The following TANGO6 variants were observed in gnomAD, a reference collection of about 807,000 sequenced individuals.
TANGO6 encodes the protein transport and golgi organization 6 homolog, also known as transport and Golgi organization protein 6 homolog.
In TANGO6, 90 loss-of-function variants were observed where a neutral mutation model predicts 114.2. The observed-to-expected ratio is 0.79, with a 90% confidence interval of 0.66 to 0.94. The LOEUF (loss-of-function observed/expected upper bound fraction) is 0.94, where lower values mean the gene tolerates loss of function less well. Among genes scored for constraint, TANGO6 ranks in the 40% least tolerant of loss-of-function variants. The pLI, the probability that TANGO6 is intolerant of heterozygous loss-of-function variation, is 0.00. For missense variants in TANGO6, 1,274 were observed against 1,315.3 expected, an observed-to-expected ratio of 0.97 and a Z score of 0.49; for synonymous variants, 477 against 509.8, an observed-to-expected ratio of 0.94 and a Z score of 0.87.
Position 69,069,935 on chromosome 16 carries a change from G to A in TANGO6, c.3109-13550G>A, listed in dbSNP as rs561072019. The stretch of plus-strand genomic sequence containing the variant: ...GAAAATAAAGTAGTGGGCCAGGCAC[G>A]GTGGCTCATGCCTGTAATCCCAGCA... On this transcript the variant is annotated intron_variant, in intron 17 of 17. Transcript: ENST00000261778. Among the ~76,000 whole-genome samples the A allele has an allele frequency of 5.3e-5, 8 of 151,856 alleles. No individual in the cohort carries two copies. The South Asian group carries it at 1.2e-3, about 24-fold the overall frequency.
In TANGO6 at chr16:68,862,998, G is replaced by T; in HGVS notation, c.789G>T (p.Leu263=). 1 of 1,601,312 alleles carries T rather than the reference G, an allele frequency of 6.2e-7. No homozygotes were observed. Among genetic ancestry groups the T allele is most frequent in the East Asian group, 2.2e-5 (1 of 44,564 alleles). ...TLSRGALRDM[L]DQVYQPLAVR... is the part of the protein sequence containing the mutation. ...CCAGGGGGGCCTTGAGAGACATGCT[G>T]GATCAAGTCTATCAGCCCTTAGCAG... The change falls in exon 3 of 18, where the codon CTG becomes CTT. Residue 263 remains leucine (L), a synonymous_variant. Coordinates refer to ENST00000261778, the MANE Select transcript of TANGO6 (RefSeq NM_024562.2).
At chr16:68,944,465 C>G (rs1963392411) in intron 14 of TANGO6, among the ~76,000 whole-genome samples, 1 of 152,138 alleles carries the variant, frequency 6.6e-6, no homozygotes, top group Non-Finnish European at 1.5e-5. Flanking sequence ...CAGCTGAGGT[C>G]TGCCAGGAGG....
chr16:68,970,667 C>CAAA (rs11291012), intron 14 of TANGO6, among the ~76,000 whole-genome samples: 2 of 110,628 alleles, frequency 1.8e-5, no homozygotes, highest in African/African-American at 3.5e-5. Flanking sequence ...AACTTCGTCT[C>CAAA]AAAAAAAAAA....
intron 15 of TANGO6, 115 bp from the exon 16 acceptor site, chr16:69,022,713 A>G: frequency 8.0e-7 from 1 of 1,257,036 alleles, no homozygotes; most frequent in Non-Finnish European, 1.1e-6. Context: ...CAAAAAAAAA[A>G]TAAAAACAAA....
chr16:69,039,327 CAAA>C (rs1224194865), intron 16 of TANGO6, among the ~76,000 whole-genome samples: 1 of 102,868 alleles, frequency 9.7e-6, no homozygotes, highest in Non-Finnish European at 2.1e-5. Flanking sequence ...GACTCCGTCT[CAAA>C]AAAAAAAAAA....
At chr16:68,975,498 A>C (rs749117243) in intron 15 of TANGO6, among the ~76,000 whole-genome samples, 1 of 149,968 alleles carries the variant, frequency 6.7e-6, no homozygotes, top group Admixed American at 6.6e-5. Context: ...TGGGATTATA[A>C]GCATGAGCCA....
intron 14 of TANGO6, chr16:68,937,466 A>G (rs1756794474): frequency 6.6e-6 from 1 of 152,206 alleles, no homozygotes. Context: ...TAGTGTCTTT[A>G]AAGAGTTGTG....
intron 17 of TANGO6, among the ~76,000 whole-genome samples, chr16:69,062,114 A>T (rs1960127195): frequency 6.6e-6 from 1 of 152,224 alleles, no homozygotes; most frequent in Non-Finnish European, 1.5e-5. Flanking sequence ...ACAAATTTTT[A>T]AAAATATTTG....
chr16:69,076,588 C>G (rs1201963812), intron 17 of TANGO6, among the ~76,000 whole-genome samples: 3 of 152,094 alleles, frequency 2.0e-5, no homozygotes. Flanking sequence ...TTTTAGAAAG[C>G]CATTGCCTTC....
In TANGO6 at chr16:68,912,954, C is replaced by T. The variant is rs560269216; in HGVS notation, c.1992+3552C>T. The stretch of plus-strand genomic sequence containing the variant: ...AATTAGCAGGGTGTGGTGGCAAGCG[C>T]CTGTAATCCCAGCTATTCGGAAGGC... On this transcript the variant is annotated intron_variant, in intron 11 of 17. Transcript: ENST00000261778. Among the ~76,000 whole-genome samples the T allele has an allele frequency of 8.5e-4, 128 of 151,340 alleles. 1 individual carries two copies. The South Asian group carries it at 0.013, about 15-fold the overall frequency.
chr16:69,027,871 C>T (rs1470343641), intron 16 of TANGO6, among the ~76,000 whole-genome samples: 1 of 151,954 alleles, frequency 6.6e-6, no homozygotes, highest in African/African-American at 2.4e-5. Context: ...ACCTCCGCCT[C>T]CCAGGTTCGA....
intron 1 of TANGO6, among the ~76,000 whole-genome samples, chr16:68,855,018 T>A (rs1214471858): frequency 6.6e-6 from 1 of 151,780 alleles, no homozygotes; most frequent in East Asian, 2.0e-4. Flanking sequence ...TCTTTTTTTT[T>A]TTCCAAGACA....
At chr16:68,906,290 C>A (rs1385367619) in intron 9 of TANGO6, among the ~76,000 whole-genome samples, 1 of 152,112 alleles carries the variant, frequency 6.6e-6, no homozygotes, top group Non-Finnish European at 1.5e-5. Context: ...TTTTTCTGAA[C>A]CTTTATGCAT....
chr16:68,902,589 G>T, intron 9 of TANGO6, 85 bp downstream of exon 9: 1 of 1,278,872 alleles, frequency 7.8e-7, no homozygotes, highest in Non-Finnish European at 1.0e-6. Flanking sequence ...AAGGGGCGCT[G>T]ATAGAAAAGA....
chr16:68,887,946 T>A (rs575038206), intron 7 of TANGO6, among the ~76,000 whole-genome samples: 32 of 152,170 alleles, frequency 2.1e-4, no homozygotes, highest in Admixed American at 1.7e-3. Flanking sequence ...AATTTTATGA[T>A]GGGAAAAAGT....
chr16:69,057,681 T>G (rs1029525750), intron 17 of TANGO6, among the ~76,000 whole-genome samples: 6 of 152,032 alleles, frequency 3.9e-5, no homozygotes, highest in African/African-American at 1.4e-4. Flanking sequence ...CCAGAAACCA[T>G]GAAATCCAAA....
chr16:68,880,318 G>A (rs563060274), intron 6 of TANGO6, among the ~76,000 whole-genome samples: 5 of 152,208 alleles, frequency 3.3e-5, no homozygotes, highest in South Asian at 2.1e-4. Flanking sequence ...AATTGGCAAC[G>A]TTGGTGTTTT....
intron 14 of TANGO6, among the ~76,000 whole-genome samples, chr16:68,940,259 C>A (rs972610607): frequency 1.3e-5 from 2 of 150,942 alleles, no homozygotes; most frequent in South Asian, 4.2e-4. Context: ...ACTGTGTCAC[C>A]AAGGCTGGTC....
At chr16:68,979,985 A>G (rs1173112092) in intron 15 of TANGO6, among the ~76,000 whole-genome samples, 1 of 151,884 alleles carries the variant, frequency 6.6e-6, no homozygotes, top group African/African-American at 2.4e-5. Context: ...CTGGGACTAC[A>G]GATGTGTGCC....
Sources: gnomAD v4.1 joint callset for allele counts (sites outside exome capture counted in the v4.1 genomes callset) on GRCh38, gnomAD v4.1.1 for gene constraint, MANE v1.5 for transcripts, NCBI Gene and HGNC (gene_info 2026-07-23, HGNC 2026-07-21) for gene names.